The following SETBP1 variants were observed in gnomAD, a reference collection of about 807,000 sequenced individuals.
SETBP1 encodes the protein SET-binding protein.
Under a neutral mutation model 101.0 loss-of-function variants are expected in SETBP1, and 9 were observed. The ratio of observed to expected loss-of-function variants is 0.09; its 90% CI spans 0.05 to 0.16. The LOEUF is 0.16. Among genes scored for constraint, SETBP1 ranks in the 10% least tolerant of loss-of-function variants. The pLI is 1.00. For synonymous variants in SETBP1, 818 were observed against 788.5 expected (o/e 1.04, Z -0.63); for missense variants, 1,858 against 2,033.8 (o/e 0.91, Z 1.66).
At chr18:44,854,195 A>G (rs2072927888) in intron 2 of SETBP1, among the ~76,000 whole-genome samples, 1 of 152,006 alleles carries the variant, frequency 6.6e-6, no homozygotes, top group South Asian at 2.1e-4. Context: ...GGGGCTCCCT[A>G]AGAGAAAGTT....
rs114679798 is a variant in SETBP1 at position 44,825,145 on chromosome 18, G to A, written c.487-44085G>A. On this transcript the variant is annotated intron_variant, in intron 2 of 5. Transcript: ENST00000649279. ...AGTTATGGTGCTAGACTTGGAGTTA[G>A]ACTGGGATAGATCTTAGAGTTATGT... Among the ~76,000 whole-genome samples the A allele has an allele frequency of 7.0e-3, 1,071 of 152,372 alleles. 9 individuals carry two copies. Among genetic ancestry groups the A allele is most frequent in the African/African-American group, 0.024 (1,014 of 41,584 alleles).
intron 2 of SETBP1, among the ~76,000 whole-genome samples, chr18:44,702,606 T>C (rs367799579): frequency 1.3e-5 from 2 of 152,186 alleles, no homozygotes; most frequent in African/African-American, 4.8e-5. Flanking sequence ...TTTTCATAGT[T>C]AGGAGTGAGA....
rs1008687399 is a variant in SETBP1 at position 44,953,077 on chromosome 18, A to G, written c.3737A>G (p.Lys1246Arg). The G allele has an allele frequency of 1.9e-6, 3 of 1,614,216 alleles. No individual in the cohort carries two copies. The highest frequency in any genetic ancestry group is 4.5e-5 in the East Asian group (2 of 44,880). ...GACGCCCAGCATTGGACACAGGCCA[A>G]GGAAAAAGGAGACTTGAGCAGTGAG... ...LSDAQHWTQAKEKGDLSSEPV... is the reference protein window; with the variant it reads ...LSDAQHWTQAREKGDLSSEPV... Residue 1246 changes from lysine (K) to arginine (R), a missense_variant, in exon 4 of 6, where the codon AAG becomes AGG. Transcript: ENST00000649279.
chr18:44,727,159 C>A (rs997407652), intron 2 of SETBP1, among the ~76,000 whole-genome samples: 3 of 147,972 alleles, frequency 2.0e-5, no homozygotes, highest in Non-Finnish European at 4.5e-5. Flanking sequence ...GGATGAGTTG[C>A]ATGCATTTGA....
At chr18:44,917,063 G>A (rs1243040342) in intron 3 of SETBP1, among the ~76,000 whole-genome samples, 1 of 152,242 alleles carries the variant, frequency 6.6e-6, no homozygotes, top group Non-Finnish European at 1.5e-5. Flanking sequence ...ATCAGGGAAA[G>A]AAATTAATAG....
rs996401443 is a variant in SETBP1, at chr18:45,051,229, G to T, written c.4172-11850G>T. Among the ~76,000 whole-genome samples the T allele has an allele frequency of 5.3e-5, 8 of 152,152 alleles. 1 individual carries two copies. Among genetic ancestry groups the T allele is most frequent in the African/African-American group, 9.7e-5 (4 of 41,434 alleles). On this transcript the variant is annotated intron_variant, in intron 5 of 5. Transcript: ENST00000649279. ...TAATTTATGGTCTCTAAAAGGGAAA[G>T]ATGATGAATGAGCTTTTTCTTCTTA...
intron 1 of SETBP1, among the ~76,000 whole-genome samples, chr18:44,696,802 A>G (rs566169806): frequency 6.6e-6 from 1 of 152,354 alleles, no homozygotes; most frequent in African/African-American, 2.4e-5. Context: ...TGGCTTGTCT[A>G]GCATCTGACT....
chr18:44,798,762 G>A lies in SETBP1; in HGVS notation c.487-70468G>A, dbSNP rs560304170. On this transcript the variant is annotated intron_variant, in intron 2 of 5. Coordinates refer to ENST00000649279, the MANE Select transcript of SETBP1 (RefSeq NM_015559.3). ...TTAACATATTGCCCTAGGAATGGAG[G>A]TCACTTACGTGTAGCTCAGCTGTTT... Among the ~76,000 whole-genome samples the A allele has an allele frequency of 4.6e-5, 7 of 152,290 alleles. No homozygotes were observed. The South Asian group carries it at 1.2e-3, about 27-fold the overall frequency.
chr18:44,760,090 A>G (rs931177082), intron 2 of SETBP1, among the ~76,000 whole-genome samples: 3 of 152,218 alleles, frequency 2.0e-5, no homozygotes, highest in Non-Finnish European at 2.9e-5. Flanking sequence ...TAACAGTACT[A>G]GGGTAATACA....
chr18:45,044,936 C>T (rs1250231508), intron 5 of SETBP1, among the ~76,000 whole-genome samples: 3 of 152,080 alleles, frequency 2.0e-5, no homozygotes, highest in African/African-American at 7.2e-5. Context: ...TCTCTTCTAC[C>T]AAACAAAAAT....
intron 3 of SETBP1, among the ~76,000 whole-genome samples, chr18:44,924,886 T>TA (rs1256347281): frequency 2.0e-5 from 3 of 152,086 alleles, no homozygotes; most frequent in African/African-American, 7.2e-5. Flanking sequence ...CAGAAGAGCA[T>TA]AGTCACTTTT....
intron 5 of SETBP1, among the ~76,000 whole-genome samples, chr18:45,043,380 C>T (rs1295474650): frequency 5.3e-5 from 8 of 151,532 alleles, no homozygotes; most frequent in Non-Finnish European, 8.8e-5. Flanking sequence ...CACTCACACA[C>T]TCACACACAC....
intron 3 of SETBP1, among the ~76,000 whole-genome samples, chr18:44,889,586 A>G (rs890486492): frequency 6.6e-6 from 1 of 152,136 alleles, no homozygotes; most frequent in South Asian, 2.1e-4. Flanking sequence ...TGTGAGTTGC[A>G]CTGACTCTCC....
intron 4 of SETBP1, among the ~76,000 whole-genome samples, chr18:44,973,267 G>A (rs2071910002): frequency 6.6e-6 from 1 of 152,200 alleles, no homozygotes; most frequent in Admixed American, 6.5e-5. Context: ...TGTGCTGCTG[G>A]ATTCGGTTTG....
chr18:44,917,026 C>A (rs529823946), intron 3 of SETBP1, among the ~76,000 whole-genome samples: 1 of 152,334 alleles, frequency 6.6e-6, no homozygotes, highest in South Asian at 2.1e-4. Context: ...CTTCACCATG[C>A]CCTATTAATT....
At chr18:45,014,031 A>G in intron 4 of SETBP1, among the ~76,000 whole-genome samples, 1 of 58,280 alleles carries the variant, frequency 1.7e-5, no homozygotes, top group Admixed American at 1.5e-4. Flanking sequence ...GTTCGGCAGA[A>G]AAAAAAAAAT....
intron 3 of SETBP1, among the ~76,000 whole-genome samples, chr18:44,921,749 GA>G (rs1335259809): frequency 2.6e-5 from 4 of 152,102 alleles, no homozygotes; most frequent in Non-Finnish European, 5.9e-5. Flanking sequence ...AGCCCTATAG[GA>G]TATACAGAAT....
intron 4 of SETBP1, among the ~76,000 whole-genome samples, chr18:44,967,419 A>C (rs2071745122): frequency 6.6e-6 from 1 of 152,258 alleles, no homozygotes; most frequent in Admixed American, 6.5e-5. Flanking sequence ...GATAAGAAAA[A>C]TAATGAAATG....
chr18:45,035,763 C>T (rs77881899), intron 4 of SETBP1, among the ~76,000 whole-genome samples: 13,062 of 152,222 alleles, frequency 0.086, 627 homozygotes, highest in African/African-American at 0.13. Flanking sequence ...GAAATCTGAC[C>T]GCTTATATTT....
Sources: allele counts gnomAD v4.1 joint callset (sites outside exome capture counted in the v4.1 genomes callset), GRCh38; gene constraint gnomAD v4.1.1; transcripts MANE v1.5; gene names NCBI Gene and HGNC (gene_info 2026-07-23, HGNC 2026-07-21).